The following EVC variants were observed in gnomAD, a reference collection of about 807,000 sequenced individuals.
The protein encoded by EVC is EvC ciliary complex subunit 1.
Under a neutral mutation model 118.9 loss-of-function variants are expected in EVC, and 116 were observed. The observed-to-expected ratio is 0.98, with a 90% CI of 0.84 to 1.14. The LOEUF (loss-of-function observed/expected upper bound fraction) is 1.14. Among genes scored for constraint, EVC ranks in the 50% most tolerant of loss-of-function variants. The probability of loss-of-function intolerance (pLI) is 0.00; values close to 1 mark genes in which losing one functional copy is unlikely to be tolerated. For missense variants in EVC, 1,401 were observed against 1,246.4 expected (o/e 1.12, Z -1.87); for synonymous variants, 619 against 534.7 (o/e 1.16, Z -2.18).
intron 17 of EVC, among the ~76,000 whole-genome samples, chr4:5,806,692 T>C (rs2152382354): frequency 6.6e-6 from 1 of 152,350 alleles, no homozygotes; most frequent in Non-Finnish European, 1.5e-5. Flanking sequence ...TTATTTTCCT[T>C]TGGGTAGATA....
In EVC at chr4:5,756,229, G is replaced by T; in HGVS notation, c.1465-35G>T. On this transcript the variant is annotated intron_variant, in intron 10 of 20. Transcript: ENST00000264956. This position sits in a 1 kb window ranked among gnomAD's most constrained non-coding sequence, Gnocchi z 4.2. ...GGAAAAAAAAAAAAAAACCCTGCAT[G>T]TTTCTACCAGACTCAGCTCTTGTTT... 3 of 1,457,814 alleles carry T rather than the reference G, an allele frequency of 2.1e-6. No individual in the cohort carries two copies. Among genetic ancestry groups the T allele is most frequent in the Non-Finnish European group, 9.5e-7 (1 of 1,050,428 alleles). The allele number at this position is 1,457,814 out of a possible 1,614,324, so 90.3% of individuals were successfully genotyped here. A position where few individuals can be genotyped will look rare whatever the true frequency, so the allele number is the denominator to read the frequency against.
At chr4:5,758,363 G>C (rs73075511) in intron 11 of EVC, 2 of 521,314 alleles carry the variant, frequency 3.8e-6, no homozygotes, top group East Asian at 3.2e-5. Context: ...AACGGAAGGC[G>C]ATCTTTGTTC....
At chr4:5,808,003 AG>A (rs1300706118) in intron 17 of EVC, among the ~76,000 whole-genome samples, 197 bp from the exon 18 acceptor site, 3 of 152,166 alleles carry the variant, frequency 2.0e-5, no homozygotes, top group Non-Finnish European at 1.5e-5. Flanking sequence ...CGTGTTGTAA[AG>A]GGCGTCCACT....
At chr4:5,824,368 T>A in the EVC span, 1 of 985,194 alleles carries the variant, frequency 1.0e-6, no homozygotes, top group Non-Finnish European at 1.2e-6. Flanking sequence ...TTATGGAGAG[T>A]GAGATGAATG....
In EVC at chr4:5,719,029, T is replaced by C. The variant is rs1343338551; in HGVS notation, c.175-219T>C. On this transcript the variant is annotated intron_variant, in intron 1 of 20. Coordinates refer to ENST00000264956, the MANE Select transcript of EVC (RefSeq NM_153717.3). This position sits in a 1 kb window ranked among gnomAD's most constrained non-coding sequence, Gnocchi z 4.7. ...ATCCTGGAGGCCTTAGGGGAACCGCTCAGGAAGGTGACCTGTGCAGTCTTG... is the reference window on the plus strand; with the variant it reads ...ATCCTGGAGGCCTTAGGGGAACCGCCCAGGAAGGTGACCTGTGCAGTCTTG... Among the ~76,000 whole-genome samples the C allele has an allele frequency of 6.6e-6, 1 of 152,106 alleles. No homozygotes were observed. The highest frequency in any genetic ancestry group is 1.5e-5 in the Non-Finnish European group (1 of 68,026).
Position 5,729,470 on chromosome 4 carries a change from A to G in EVC, c.384+80A>G, listed in dbSNP as rs1726434292. 8 of 1,342,798 alleles carry G rather than the reference A, an allele frequency of 6.0e-6. No homozygotes were observed. The Admixed American group carries it at 1.0e-4, about 17-fold the overall frequency. 83.2% of individuals were successfully genotyped at this position (1,342,798 alleles called of 1,614,324 possible). The stretch of plus-strand genomic sequence containing the variant: ...GATTGGGAGGAAAGTGGGGGGATTA[A>G]CTGTGTGATGTTTGGTCCTGTTTGA... On this transcript the variant is annotated intron_variant, in intron 3 of 20. Transcript: ENST00000264956.
downstream of EVC, among the ~76,000 whole-genome samples, chr4:5,815,956 C>T (rs547984286): frequency 1.6e-4 from 25 of 151,966 alleles, 1 homozygote; most frequent in South Asian, 5.0e-3. Flanking sequence ...ATATACTTTC[C>T]TCCTGTGGTG....
At position 5,731,697 on chromosome 4, in the gene EVC, T is replaced by A. The variant is rs763891288; in HGVS notation, c.617+40T>A. 2.4e-5 allele frequency: 37 copies of A among 1,558,580 alleles called. No individual in the cohort carries two copies. Among genetic ancestry groups the A allele is most frequent in the Non-Finnish European group, 3.3e-5 (37 of 1,136,676 alleles). The stretch of plus-strand genomic sequence containing the variant: ...CAATGGAGGATGAGGCTTCCAGTCC[T>A]CTTGGAGTGGGCCGGGAGTCACATC... On this transcript the variant is annotated intron_variant, in intron 4 of 20. Coordinates refer to ENST00000264956, the MANE Select transcript of EVC (RefSeq NM_153717.3). This position sits in a 1 kb window ranked among gnomAD's most constrained non-coding sequence, Gnocchi z 5.6.
chr4:5,755,632 C>T lies in EVC; in HGVS notation c.1465-632C>T, dbSNP rs1030782877. Reference sequence around the variant, plus strand: ...CCCATCTTCCCTCCAAGGAGTCCTTCCTTGTCCTTAGAGACTCCATTGAAA... The same window carrying T: ...CCCATCTTCCCTCCAAGGAGTCCTTTCTTGTCCTTAGAGACTCCATTGAAA... On this transcript the variant is annotated intron_variant, in intron 10 of 20. Transcript: ENST00000264956. The surrounding 1 kb of genome is among the most constrained non-coding windows in gnomAD (Gnocchi z 4.1). Among the ~76,000 whole-genome samples the T allele has an allele frequency of 1.2e-4, 19 of 152,194 alleles. No individual in the cohort carries two copies. The highest frequency in any genetic ancestry group is 4.6e-4 in the African/African-American group (19 of 41,438).
intron 14 of EVC, 181 bp downstream of exon 14, chr4:5,797,413 A>C: frequency 1.6e-6 from 1 of 635,752 alleles, no homozygotes; most frequent in Non-Finnish European, 2.8e-6. Context: ...CACTGCACAC[A>C]TTTCCCTGCT....
intron 2 of EVC, among the ~76,000 whole-genome samples, chr4:5,728,241 T>C (rs1228504004): frequency 6.6e-6 from 1 of 152,190 alleles, no homozygotes; most frequent in Non-Finnish European, 1.5e-5. Flanking sequence ...TATCCTCTTA[T>C]ATTTCCTTGA....
rs1436452451 is a variant in EVC at position 5,737,465 on chromosome 4, A to G, written c.702+4030A>G. 6.6e-6 allele frequency among the ~76,000 whole-genome samples: 1 copy of G among 152,236 alleles called. No homozygotes were observed. Among genetic ancestry groups the G allele is most frequent in the Non-Finnish European group, 1.5e-5 (1 of 68,040 alleles). On this transcript the variant is annotated intron_variant, in intron 5 of 20. Coordinates refer to ENST00000264956, the MANE Select transcript of EVC (RefSeq NM_153717.3). This position sits in a 1 kb window ranked among gnomAD's most constrained non-coding sequence, Gnocchi z 5.0. ...ATGGTCATGGAAGAAGATGCCATCT[A>G]AGACTTCATAGCTAAAGAGGAGAAG... is the stretch of plus-strand genomic sequence containing the variant.
intron 7 of EVC, among the ~76,000 whole-genome samples, chr4:5,745,751 C>T (rs777693775): frequency 6.6e-6 from 1 of 152,172 alleles, no homozygotes; most frequent in Non-Finnish European, 1.5e-5. Context: ...TTGGGTTCCA[C>T]CACCCCCTGT....
intron 11 of EVC, among the ~76,000 whole-genome samples, chr4:5,759,644 G>C (rs1397370257): frequency 6.6e-6 from 1 of 152,196 alleles, no homozygotes; most frequent in Non-Finnish European, 1.5e-5. Flanking sequence ...TTGAGGTACA[G>C]GTTAGATCAC....
At chr4:5,732,194 C>T (rs539732800) in intron 4 of EVC, among the ~76,000 whole-genome samples, 126 of 152,282 alleles carry the variant, frequency 8.3e-4, no homozygotes, top group African/African-American at 2.9e-3. Context: ...GTGACGGAGC[C>T]GGATTTGACC....
At chr4:5,734,083 T>A (rs958762891) in intron 5 of EVC, among the ~76,000 whole-genome samples, 1 of 152,196 alleles carries the variant, frequency 6.6e-6, no homozygotes, top group Non-Finnish European at 1.5e-5. Flanking sequence ...TCTGATTGAA[T>A]CAGCCACGGA....
rs1015506431 is a variant in EVC at position 5,810,984 on chromosome 4, G to C, written c.2926G>C (p.Ala976Pro). The part of the protein sequence containing the change: ...SKRLSQQESE[A>P]GDSGNSKKML... ...AAGGCTGAGTCAGCAAGAAAGTGAAGCTGGGGACAGTGGGAACTCAAAGAA... is the reference window on the plus strand; with the variant it reads ...AAGGCTGAGTCAGCAAGAAAGTGAACCTGGGGACAGTGGGAACTCAAAGAA... The change falls in exon 21 of 21, where the codon GCT becomes CCT. Residue 976 changes from alanine (A) to proline (P), a missense_variant. Physicochemically the swap from Ala to Pro is conservative, Grantham distance 27. Transcript: ENST00000264956. 4 of 1,613,190 alleles carry C rather than the reference G, an allele frequency of 2.5e-6. No homozygotes were observed. Among genetic ancestry groups the C allele is most frequent in the Non-Finnish European group, 3.4e-6 (4 of 1,179,522 alleles).
downstream of EVC, among the ~76,000 whole-genome samples, chr4:5,815,312 G>C (rs1047829926): frequency 1.3e-5 from 2 of 152,106 alleles, no homozygotes; most frequent in African/African-American, 2.4e-5. Context: ...TCCACCCTAC[G>C]AAGGCTCCTT....
intron 7 of EVC, among the ~76,000 whole-genome samples, chr4:5,747,783 C>T (rs1729590060): frequency 6.6e-6 from 1 of 152,068 alleles, no homozygotes; most frequent in African/African-American, 2.4e-5. Flanking sequence ...GTATTTAATC[C>T]CATTTAAAAT....
Sources: allele counts gnomAD v4.1 joint callset (sites outside exome capture counted in the v4.1 genomes callset), GRCh38; gene constraint gnomAD v4.1.1; non-coding constraint Gnocchi (gnomAD v3.1); transcripts MANE v1.5; gene names NCBI Gene and HGNC (gene_info 2026-07-23, HGNC 2026-07-21).